NME7: variants seen among roughly 807,000 people sequenced by gnomAD.
The protein encoded by NME7 is NME/NM23 family member 7.
NME7 carries 41 observed loss-of-function variants against 49.1 expected under a neutral mutation model. The observed-to-expected ratio is 0.83, with a 90% confidence interval of 0.65 to 1.08. NME7 has a LOEUF of 1.08. Among genes scored for constraint, NME7 ranks in the 50% least tolerant of loss-of-function variants. The probability of loss-of-function intolerance (pLI) is 0.00; values close to 1 mark genes in which losing one functional copy is unlikely to be tolerated. For missense variants in NME7, 423 were observed against 463.4 expected (o/e 0.91, Z 0.80); for synonymous variants, 139 against 150.6 (o/e 0.92, Z 0.56).
intron 10 of NME7, among the ~76,000 whole-genome samples, chr1:169,172,553 C>T (rs767988479): frequency 2.7e-4 from 41 of 152,118 alleles, no homozygotes; most frequent in Non-Finnish European, 4.9e-4. Flanking sequence ...ACACAACAAA[C>T]CATCTTTAGT....
At chr1:169,327,668 T>A (rs1217320057) in intron 1 of NME7, among the ~76,000 whole-genome samples, 1 of 152,170 alleles carries the variant, frequency 6.6e-6, no homozygotes, top group Non-Finnish European at 1.5e-5. Flanking sequence ...TGTTATTGAG[T>A]GGAATGTAAA....
At chr1:169,225,202 G>A (rs1394977579) in intron 10 of NME7, among the ~76,000 whole-genome samples, 21 of 152,218 alleles carry the variant, frequency 1.4e-4, no homozygotes, top group Admixed American at 2.6e-4. Flanking sequence ...TCCACCTCCC[G>A]GGTTCAAGCA....
intron 11 of NME7, among the ~76,000 whole-genome samples, chr1:169,140,352 C>T (rs1329116786): frequency 1.3e-5 from 2 of 152,092 alleles, no homozygotes; most frequent in Non-Finnish European, 2.9e-5. Flanking sequence ...GCCACTATTT[C>T]CTAGTGCTCT....
intron 10 of NME7, among the ~76,000 whole-genome samples, chr1:169,210,438 C>T (rs890865890): frequency 1.3e-5 from 2 of 152,134 alleles, no homozygotes; most frequent in Admixed American, 6.6e-5. Context: ...TAAACATTAT[C>T]GTGGCAAAAT....
At chr1:169,223,166 G>T (rs1661197572) in intron 10 of NME7, among the ~76,000 whole-genome samples, 1 of 152,034 alleles carries the variant, frequency 6.6e-6, no homozygotes, top group African/African-American at 2.4e-5. Context: ...CTGTATAATT[G>T]AATTCAGTTA....
chr1:169,242,187 T>C (rs915611768), intron 7 of NME7, among the ~76,000 whole-genome samples: 1 of 152,008 alleles, frequency 6.6e-6, no homozygotes, highest in Non-Finnish European at 1.5e-5. Flanking sequence ...CAAAGAATTA[T>C]ACACCATGAC....
At chr1:169,231,704 G>A (rs1487181900) in intron 9 of NME7, among the ~76,000 whole-genome samples, 2 of 151,268 alleles carry the variant, frequency 1.3e-5, no homozygotes, top group Non-Finnish European at 3.0e-5. Flanking sequence ...AGAGTGAAAG[G>A]CCTTTTTATA....
chr1:169,308,432 G>A (rs1558033015), intron 4 of NME7, among the ~76,000 whole-genome samples: 1 of 152,126 alleles, frequency 6.6e-6, no homozygotes, highest in African/African-American at 2.4e-5. Context: ...AGAAACATAA[G>A]AACACTATTG....
At chr1:169,237,164 C>T (rs1029273694) in intron 8 of NME7, among the ~76,000 whole-genome samples, 1 of 151,948 alleles carries the variant, frequency 6.6e-6, no homozygotes, top group Non-Finnish European at 1.5e-5. Flanking sequence ...ACTCCAAAGA[C>T]AGTCTTGAGA....
At chr1:169,239,146 G>T (rs1647982288) in intron 7 of NME7, among the ~76,000 whole-genome samples, 1 of 151,946 alleles carries the variant, frequency 6.6e-6, no homozygotes, top group African/African-American at 2.4e-5. Context: ...TTTTAGGAAG[G>T]TCACTAATGC....
At chr1:169,231,247 A>G (rs1571310150) in intron 9 of NME7, among the ~76,000 whole-genome samples, 1 of 152,334 alleles carries the variant, frequency 6.6e-6, no homozygotes, top group South Asian at 2.1e-4. Context: ...CCCATATTAA[A>G]CATCTAGAAA....
At chr1:169,347,978 C>G (rs1267000786) in intron 1 of NME7, among the ~76,000 whole-genome samples, 1 of 152,104 alleles carries the variant, frequency 6.6e-6, no homozygotes, top group East Asian at 1.9e-4. Flanking sequence ...ACATGCATTG[C>G]AAATTACTAC....
At chr1:169,243,468 C>T (rs76556083) in intron 7 of NME7, among the ~76,000 whole-genome samples, 2,526 of 152,266 alleles carry the variant, frequency 0.017, 60 homozygotes, top group African/African-American at 0.054. Flanking sequence ...ATCCTCACAA[C>T]GCTGCTATGG....
At position 169,293,134 on chromosome 1, in the gene NME7, AAAAT is replaced by A. The variant is rs139023934; in HGVS notation, c.648+5418_648+5421del. ...ATATCACAAGACCCTGTCTTTAGAAAAAATAAAAAAAAATAGCTGGACATGGTGG... is the reference window on the plus strand; with the variant it reads ...ATATCACAAGACCCTGTCTTTAGAAAAAAAAAAAATAGCTGGACATGGTGG... On this transcript the variant is annotated intron_variant, in intron 6 of 11. Transcript: ENST00000367811. Among the ~76,000 whole-genome samples, 8,158 of 151,448 alleles carry A rather than the reference AAAAT, an allele frequency of 0.054. 1,300 individuals carry two copies. The East Asian group carries it at 0.66, about 12-fold the overall frequency.
At chr1:169,221,641 T>C (rs1157998525) in intron 10 of NME7, among the ~76,000 whole-genome samples, 1 of 151,900 alleles carries the variant, frequency 6.6e-6, no homozygotes, top group East Asian at 1.9e-4. Context: ...CTATATACTG[T>C]GTGCCAGGTA....
At chr1:169,254,493 G>A (rs1049885620) in intron 7 of NME7, among the ~76,000 whole-genome samples, 9 of 151,460 alleles carry the variant, frequency 5.9e-5, no homozygotes, top group Admixed American at 5.3e-4. Context: ...TATCAATTTT[G>A]TTGATCCTTT....
At chr1:169,295,264 C>T (rs1650665564) in intron 6 of NME7, among the ~76,000 whole-genome samples, 1 of 152,054 alleles carries the variant, frequency 6.6e-6, no homozygotes, top group South Asian at 2.1e-4. Context: ...GCTAACTTAA[C>T]AAAAGTTGCT....
At chr1:169,207,957 C>G (rs1660717031) in intron 10 of NME7, among the ~76,000 whole-genome samples, 1 of 152,068 alleles carries the variant, frequency 6.6e-6, no homozygotes, top group African/African-American at 2.4e-5. Flanking sequence ...AGCAGCTTAG[C>G]AAGAATTATG....
intron 1 of NME7, among the ~76,000 whole-genome samples, chr1:169,362,659 A>T (rs1347226412): frequency 6.6e-6 from 1 of 152,202 alleles, no homozygotes; most frequent in African/African-American, 2.4e-5. Context: ...TCAGCTGCTT[A>T]TTGAGAGGCC....
Sources: allele counts gnomAD v4.1 joint callset (sites outside exome capture counted in the v4.1 genomes callset), GRCh38; gene constraint gnomAD v4.1.1; transcripts MANE v1.5; gene names NCBI Gene and HGNC (gene_info 2026-07-23, HGNC 2026-07-21).